CEMIP: variants seen among roughly 807,000 people sequenced by gnomAD.
CEMIP encodes cell migration-inducing and hyaluronan-binding protein.
CEMIP carries 105 observed loss-of-function variants against 156.9 expected under a neutral mutation model. That is an observed-to-expected ratio of 0.67 (90% CI 0.57 to 0.79). The LOEUF (loss-of-function observed/expected upper bound fraction) is 0.79. CEMIP is among the 30% of genes least tolerant of loss of function. The pLI, the probability that CEMIP is intolerant of heterozygous loss-of-function variation, is 0.00. For synonymous variants in CEMIP, 676 were observed against 668.4 expected (o/e 1.01, Z -0.17); for missense variants, 1,457 against 1,769.4 (o/e 0.82, Z 3.17).
At chr15:80,861,073 G>T (rs1897973439) in intron 1 of CEMIP, among the ~76,000 whole-genome samples, 1 of 152,068 alleles carries the variant, frequency 6.6e-6, no homozygotes, top group Admixed American at 6.5e-5. Flanking sequence ...TGTAACCCCT[G>T]TCTCCGACAA....
At chr15:80,860,479 T>C (rs1051395159) in intron 1 of CEMIP, among the ~76,000 whole-genome samples, 2 of 152,230 alleles carry the variant, frequency 1.3e-5, no homozygotes, top group Non-Finnish European at 2.9e-5. Context: ...TAGCTGTTAG[T>C]GTGAAAGCCA....
chr15:80,809,303 T>G (rs910915726), intron 1 of CEMIP, among the ~76,000 whole-genome samples: 2 of 152,246 alleles, frequency 1.3e-5, no homozygotes, highest in Non-Finnish European at 2.9e-5. Context: ...CTCCATATAA[T>G]GTAATCATAC....
Position 80,909,147 on chromosome 15 carries a change from T to C in CEMIP, c.1638T>C (p.His546=), listed in dbSNP as rs766505660. Residue 546 remains histidine (H), a synonymous_variant, in exon 14 of 30, where the codon CAT becomes CAC. Coordinates refer to ENST00000394685, the MANE Select transcript of CEMIP (RefSeq NM_001293298.2). ...ACTTGGAGGGCACGGAGCTGAAGCA[T>C]ATGGGACAGCAGCTGGTGGGTCAGT... ...AAHLEGTELK[H]MGQQLVGQYP... is the part of the protein sequence containing the mutation. 7.4e-6 allele frequency: 12 copies of C among 1,614,100 alleles called. No homozygotes were observed. Among genetic ancestry groups the C allele is most frequent in the Admixed American group, 1.7e-5 (1 of 60,020 alleles).
intron 25 of CEMIP, among the ~76,000 whole-genome samples, chr15:80,941,474 G>GC (rs1366902740): frequency 6.6e-6 from 1 of 152,172 alleles, no homozygotes; most frequent in Admixed American, 6.5e-5. Flanking sequence ...TCACTTCCCA[G>GC]CTGTGTGGTC....
chr15:80,802,541 G>A (rs1896404322), intron 1 of CEMIP, among the ~76,000 whole-genome samples: 1 of 152,194 alleles, frequency 6.6e-6, no homozygotes, highest in Admixed American at 6.5e-5. Context: ...TCTAATGGAT[G>A]GTCTCATCGC....
chr15:80,810,634 C>T (rs548400558), intron 1 of CEMIP, among the ~76,000 whole-genome samples: 2 of 152,194 alleles, frequency 1.3e-5, no homozygotes, highest in South Asian at 2.1e-4. Context: ...GGATTACAGG[C>T]GTGAGCCACC....
chr15:80,826,034 C>T (rs1268200752), intron 1 of CEMIP, among the ~76,000 whole-genome samples: 1 of 152,192 alleles, frequency 6.6e-6, no homozygotes, highest in Non-Finnish European at 1.5e-5. Flanking sequence ...AGGAACTTCA[C>T]CATCTGCACG....
intron 1 of CEMIP, among the ~76,000 whole-genome samples, chr15:80,819,995 G>A (rs1178458149): frequency 3.3e-5 from 5 of 152,142 alleles, no homozygotes; most frequent in African/African-American, 1.2e-4. Context: ...TCTCAAAGTG[G>A]CCAGCATGAC....
At position 80,884,320 on chromosome 15, in the gene CEMIP, T is replaced by C. The variant is rs750412324; in HGVS notation, c.763T>C (p.Leu255=). 2.0e-5 allele frequency: 32 copies of C among 1,614,100 alleles called. No homozygotes were observed. The Admixed American group carries it at 4.5e-4, about 23-fold the overall frequency. Reference sequence around the variant, plus strand: ...CATGGCCAGGAAGGCGATGACCAAATTGGGAAGCAAACACTTCCTGCACCT... The same window carrying C: ...CATGGCCAGGAAGGCGATGACCAAACTGGGAAGCAAACACTTCCTGCACCT... ...DDMARKAMTK[L]GSKHFLHLGF... The change falls in exon 7 of 30, where the codon TTG becomes CTG. Residue 255 remains leucine (L), a synonymous_variant. Transcript: ENST00000394685.
intron 3 of CEMIP, among the ~76,000 whole-genome samples, chr15:80,874,630 A>G (rs1898410032): frequency 6.6e-6 from 1 of 152,130 alleles, no homozygotes; most frequent in Admixed American, 6.5e-5. Flanking sequence ...GTTTAGATCT[A>G]TTTTTCTATC....
chr15:80,906,855 C>T lies in CEMIP; in HGVS notation c.1587+17C>T. ...CACATCAAGGTATGTGTCTCTCTGG[C>T]AGAGTCTTTCAACCCAACCAGGAGA... is the stretch of plus-strand genomic sequence containing the variant. On this transcript the variant is annotated intron_variant, in intron 13 of 29. Coordinates refer to ENST00000394685, the MANE Select transcript of CEMIP (RefSeq NM_001293298.2). The surrounding 1 kb of genome is among the most constrained non-coding windows in gnomAD (Gnocchi z 4.3). 1 of 1,600,116 alleles carries T rather than the reference C, an allele frequency of 6.2e-7. No homozygotes were observed. The highest frequency in any genetic ancestry group is 8.5e-7 in the Non-Finnish European group (1 of 1,172,700).
intron 10 of CEMIP, among the ~76,000 whole-genome samples, chr15:80,893,835 T>C (rs969868814): frequency 1.1e-4 from 13 of 121,294 alleles, no homozygotes; most frequent in African/African-American, 5.4e-4. Flanking sequence ...AAGTCTCCTC[T>C]TTTTTTTTTT....
chr15:80,939,656 G>T (rs1191657393), intron 25 of CEMIP, among the ~76,000 whole-genome samples: 1 of 152,118 alleles, frequency 6.6e-6, no homozygotes, highest in Non-Finnish European at 1.5e-5. Context: ...TTTTTGGTTG[G>T]TAGCATAGCT....
intron 1 of CEMIP, among the ~76,000 whole-genome samples, chr15:80,835,300 T>A (rs1272002162): frequency 6.6e-6 from 1 of 152,224 alleles, no homozygotes. Context: ...GCCTGGAATG[T>A]CAGGAAGGGC....
chr15:80,928,797 G>A (rs955722348), intron 19 of CEMIP, 105 bp from the exon 20 acceptor site: 8 of 1,380,752 alleles, frequency 5.8e-6, no homozygotes, highest in African/African-American at 1.4e-5. Flanking sequence ...TCCTCTGCAC[G>A]GTATTCAGTT....
At chr15:80,835,616 C>G (rs1303700748) in intron 1 of CEMIP, among the ~76,000 whole-genome samples, 1 of 152,214 alleles carries the variant, frequency 6.6e-6, no homozygotes, top group Non-Finnish European at 1.5e-5. Context: ...CCACGGGGTG[C>G]CCACAAAGTC....
Position 80,932,504 on chromosome 15 carries a change from G to T in CEMIP, c.2793+465G>T, listed in dbSNP as rs952436890. ...AGGCCTCCTTGCCCTAGACAGAGAA[G>T]GCAGAAGAGGGGCGGAGGATTAGGA... On this transcript the variant is annotated intron_variant, in intron 22 of 29. Coordinates refer to ENST00000394685, the MANE Select transcript of CEMIP (RefSeq NM_001293298.2). This position sits in a 1 kb window ranked among gnomAD's most constrained non-coding sequence, Gnocchi z 4.5. Among the ~76,000 whole-genome samples the T allele has an allele frequency of 6.6e-6, 1 of 152,164 alleles. No homozygotes were observed. Among genetic ancestry groups the T allele is most frequent in the African/African-American group, 2.4e-5 (1 of 41,452 alleles).
At chr15:80,880,560 C>G (rs780504787) in intron 5 of CEMIP, among the ~76,000 whole-genome samples, 7 of 152,146 alleles carry the variant, frequency 4.6e-5, no homozygotes, top group Non-Finnish European at 7.3e-5. Flanking sequence ...CTCAGCTTCC[C>G]AAATAGCTGA....
chr15:80,897,460 G>A, intron 12 of CEMIP: 2 of 406,556 alleles, frequency 4.9e-6, no homozygotes, highest in South Asian at 3.6e-5. Flanking sequence ...AAACAATGCA[G>A]CTGTGATGTC....
Sources: gnomAD v4.1 joint callset for allele counts (sites outside exome capture counted in the v4.1 genomes callset) on GRCh38, gnomAD v4.1.1 for gene constraint, Gnocchi (gnomAD v3.1) non-coding constraint, MANE v1.5 for transcripts, NCBI Gene and HGNC (gene_info 2026-07-23, HGNC 2026-07-21) for gene names.